The following MYO3A variants were observed in gnomAD, a reference collection of about 807,000 sequenced individuals.
MYO3A encodes myosin-IIIa.
In MYO3A, 180 loss-of-function variants were observed where a neutral mutation model predicts 192.7. That is an observed-to-expected ratio of 0.93 (90% confidence interval 0.83 to 1.06). MYO3A has a LOEUF of 1.06. Among genes scored for constraint, MYO3A ranks in the 50% least tolerant of loss-of-function variants. The pLI is 0.00. For missense variants in MYO3A, 1,896 were observed against 1,905.0 expected (o/e 1.00, Z 0.09); for synonymous variants, 628 against 645.3 (o/e 0.97, Z 0.41).
In MYO3A at chr10:26,203,003, G is replaced by T; in HGVS notation, c.4626G>T (p.Lys1542Asn). The T allele has an allele frequency of 6.2e-7, 1 of 1,613,708 alleles. No homozygotes were observed. Among genetic ancestry groups the T allele is most frequent in the Non-Finnish European group, 8.5e-7 (1 of 1,179,784 alleles). Residue 1542 changes from lysine (K) to asparagine (N), a missense_variant, in exon 34 of 35, where the codon AAG becomes AAT. By Grantham distance (94) the Lys-to-Asn change is moderately conservative. Transcript: ENST00000642920. ...KLLDLEDFYY[K>N]EFLPSRSGPK... ...TAGATTTGGAAGATTTCTATTATAA[G>T]GAATTTTTGCCCAGTCGTTCTGGAC...
intron 10 of MYO3A, among the ~76,000 whole-genome samples, chr10:26,030,290 A>C (rs1338252529): frequency 6.6e-6 from 1 of 151,940 alleles, no homozygotes; most frequent in Non-Finnish European, 1.5e-5. Flanking sequence ...TCTAATGCTC[A>C]TCTTGTTTTA....
At chr10:26,199,416 G>A (rs548655805) in intron 32 of MYO3A, among the ~76,000 whole-genome samples, 29 of 152,084 alleles carry the variant, frequency 1.9e-4, no homozygotes, top group South Asian at 4.1e-4. Flanking sequence ...ACCTGGGCAC[G>A]ATGGGTCATG....
intron 9 of MYO3A, 149 bp from the exon 10 acceptor site, chr10:26,026,228 T>A (rs2131114683): frequency 1.1e-6 from 1 of 931,762 alleles, no homozygotes; most frequent in Non-Finnish European, 1.6e-6. Context: ...TTTGAGAGAT[T>A]AAAAATTGCA....
At chr10:25,966,499 GA>G (rs1403536871) in intron 4 of MYO3A, among the ~76,000 whole-genome samples, 1 of 152,292 alleles carries the variant, frequency 6.6e-6, no homozygotes, top group East Asian at 1.9e-4. Context: ...ATAGGAAAGA[GA>G]AAACCTTTTG....
At chr10:25,984,814 A>G (rs1182337802) in intron 4 of MYO3A, among the ~76,000 whole-genome samples, 2 of 152,240 alleles carry the variant, frequency 1.3e-5, no homozygotes, top group Non-Finnish European at 2.9e-5. Context: ...TTGGTCAACA[A>G]TGAAATCAAG....
chr10:26,042,433 G>A (rs1359672464), intron 10 of MYO3A, among the ~76,000 whole-genome samples: 6 of 152,022 alleles, frequency 3.9e-5, no homozygotes, highest in Non-Finnish European at 7.4e-5. Flanking sequence ...TTTTTAGCCA[G>A]TAAGTTTTAC....
chr10:26,141,497 T>C (rs1013389561), intron 20 of MYO3A, among the ~76,000 whole-genome samples: 3 of 152,178 alleles, frequency 2.0e-5, no homozygotes, highest in African/African-American at 7.2e-5. Flanking sequence ...ATCTCTGCTC[T>C]GTGTAACCCG....
At chr10:26,157,116 A>C (rs1251149882) in intron 25 of MYO3A, among the ~76,000 whole-genome samples, 194 bp from the exon 26 acceptor site, 1 of 152,206 alleles carries the variant, frequency 6.6e-6, no homozygotes, top group African/African-American at 2.4e-5. Flanking sequence ...TTTTATAAGT[A>C]AATCTGTATT....
At chr10:26,082,064 C>G (rs1206683092) in intron 14 of MYO3A, among the ~76,000 whole-genome samples, 1 of 152,234 alleles carries the variant, frequency 6.6e-6, no homozygotes, top group Non-Finnish European at 1.5e-5. Flanking sequence ...GAGCTGCAAT[C>G]TAGTCCTGTC....
At chr10:26,054,029 CCA>C (rs1844169666) in intron 10 of MYO3A, among the ~76,000 whole-genome samples, 1 of 151,820 alleles carries the variant, frequency 6.6e-6, no homozygotes, top group African/African-American at 2.4e-5. Context: ...AGAGGCTCGG[CCA>C]AGAGGGATCG....
chr10:26,157,271 A>G, intron 25 of MYO3A, 39 bp from the exon 26 acceptor site: 4 of 1,585,606 alleles, frequency 2.5e-6, no homozygotes, highest in Non-Finnish European at 3.5e-6. Context: ...ACGTTTTTGT[A>G]TGCTACATTG....
intron 6 of MYO3A, among the ~76,000 whole-genome samples, chr10:26,002,466 T>A (rs1840889060): frequency 1.3e-5 from 2 of 152,190 alleles, no homozygotes; most frequent in Admixed American, 1.3e-4. Context: ...CGTTCCCCTA[T>A]TGGCTAGGGT....
intron 10 of MYO3A, among the ~76,000 whole-genome samples, chr10:26,027,028 A>T (rs147261020): frequency 3.5e-4 from 53 of 152,336 alleles, no homozygotes; most frequent in Non-Finnish European, 6.5e-4. Flanking sequence ...AAGAATGTAA[A>T]CTTCAAAAGA....
intron 30 of MYO3A, among the ~76,000 whole-genome samples, chr10:26,175,802 T>C (rs916071881): frequency 5.3e-5 from 8 of 152,136 alleles, no homozygotes; most frequent in African/African-American, 1.9e-4. Context: ...TACCAAGGCA[T>C]CCACTAGGAG....
chr10:26,154,595 C>A, intron 24 of MYO3A, 151 bp from the exon 25 acceptor site: 1 of 697,070 alleles, frequency 1.4e-6, no homozygotes, highest in South Asian at 1.6e-5. Flanking sequence ...ACTGACAAAA[C>A]AATTACCTAA....
At position 26,168,853 on chromosome 10, in the gene MYO3A, A is replaced by G. The variant is rs1191332923; in HGVS notation, c.3253A>G (p.Ser1085Gly). The G allele has an allele frequency of 1.2e-6, 2 of 1,611,498 alleles. No homozygotes were observed. The highest frequency in any genetic ancestry group is 1.7e-5 in the Admixed American group (1 of 60,006). ...YQKIQEKRKE[S>G]AIIIQSAARG... ...AAAAATACAGGAGAAAAGGAAAGAA[A>G]GCGCTATAATAATACAGTCAGGTAA... The change falls in exon 28 of 35, where the codon AGC becomes GGC. Residue 1085 changes from serine to glycine, a missense_variant. Transcript: ENST00000642920.
At chr10:26,030,461 C>T (rs192198357) in intron 10 of MYO3A, among the ~76,000 whole-genome samples, 1 of 152,274 alleles carries the variant, frequency 6.6e-6, no homozygotes, top group East Asian at 1.9e-4. Flanking sequence ...GAAGATTATC[C>T]TGCCCTCAGC....
rs200205050 is a variant in MYO3A, at chr10:26,128,381, A to G, written c.2115-10A>G. ...AATAACTCAAAATAATGCCTCTTCA[A>G]TTCTTCTAGTGGGAATGGTGATGAG... On this transcript the variant is annotated splice_polypyrimidine_tract_variant and intron_variant, in intron 19 of 34. Coordinates refer to ENST00000642920, the MANE Select transcript of MYO3A (RefSeq NM_017433.5). 72 of 1,612,272 alleles carry G rather than the reference A, an allele frequency of 4.5e-5. No individual in the cohort carries two copies. Among genetic ancestry groups the G allele is most frequent in the Middle Eastern group, 3.3e-4 (2 of 6,050 alleles).
chr10:25,948,471 A>G (rs997531118), intron 2 of MYO3A, among the ~76,000 whole-genome samples: 16 of 152,054 alleles, frequency 1.1e-4, no homozygotes, highest in Non-Finnish European at 2.2e-4. Flanking sequence ...TATGTTAAAT[A>G]TATATGTTGA....
Sources: allele counts gnomAD v4.1 joint callset (sites outside exome capture counted in the v4.1 genomes callset), GRCh38; gene constraint gnomAD v4.1.1; transcripts MANE v1.5; gene names NCBI Gene and HGNC (gene_info 2026-07-23, HGNC 2026-07-21).